Variants in CDK12 observed in about 807,000 individuals in gnomAD.
CDK12 encodes cyclin dependent kinase 12.
CDK12 carries 17 observed loss-of-function variants against 133.8 expected under a neutral mutation model. The ratio of observed to expected loss-of-function variants is 0.13; its 90% CI spans 0.09 to 0.19. The LOEUF is 0.19. Ranked by LOEUF, CDK12 falls within the 10% of genes least tolerant of loss-of-function variation. The pLI is 1.00. For missense variants in CDK12, 1,508 were observed against 1,818.7 expected (o/e 0.83, Z 3.11); for synonymous variants, 694 against 683.6 (o/e 1.02, Z -0.24).
At chr17:39,481,306 TAA>T (rs1567705028) in intron 2 of CDK12, among the ~76,000 whole-genome samples, 5 of 151,238 alleles carry the variant, frequency 3.3e-5, no homozygotes. Context: ...ATAGAATTTT[TAA>T]AGTCTTCTTT....
chr17:39,552,315 T>C (rs1162981043), intron 2 of CDK12, among the ~76,000 whole-genome samples: 2 of 152,248 alleles, frequency 1.3e-5, no homozygotes, highest in East Asian at 3.9e-4. Context: ...AAGATTCTCT[T>C]GTTGGGAGAG....
Position 39,471,671 on chromosome 17 carries a change from A to G in CDK12, c.1839A>G (p.Val613=), listed in dbSNP as rs1191944289. 5 of 1,614,102 alleles carry G rather than the reference A, an allele frequency of 3.1e-6. No homozygotes were observed. Among genetic ancestry groups the G allele is most frequent in the South Asian group, 2.2e-5 (2 of 91,076 alleles). ...PPVQVSVKTQ[V]SVTAAIPHLK... is the part of the protein sequence containing the mutation. ...TACAGGTTTCTGTGAAGACTCAAGT[A>G]TCTGTAACAGCTGCTATTCCACACC... Residue 613 remains valine, a synonymous_variant, in exon 2 of 14, where the codon GTA becomes GTG. Transcript: ENST00000447079.
At chr17:39,540,067 G>A (rs144458755) in intron 1 of CDK12, among the ~76,000 whole-genome samples, 2 of 152,304 alleles carry the variant, frequency 1.3e-5, no homozygotes, top group African/African-American at 4.8e-5. Context: ...CAAGGAAGCA[G>A]GAAAGTTCAC....
intron 6 of CDK12, among the ~76,000 whole-genome samples, chr17:39,507,443 G>T (rs909494194): frequency 1.3e-5 from 2 of 151,564 alleles, no homozygotes; most frequent in Admixed American, 6.6e-5. Flanking sequence ...AAAATTAGCC[G>T]GGCGTAGTGG....
At chr17:39,536,761 A>C (rs1311438702), downstream of CDK12, among the ~76,000 whole-genome samples, 1 of 152,192 alleles carries the variant, frequency 6.6e-6, no homozygotes, top group Non-Finnish European at 1.5e-5. Context: ...ATCTCAAAAA[A>C]TTAGTACTCC....
intron 8 of CDK12, among the ~76,000 whole-genome samples, chr17:39,515,173 C>G (rs1247652638): frequency 6.6e-6 from 1 of 152,116 alleles, no homozygotes; most frequent in East Asian, 1.9e-4. Flanking sequence ...GATAGCACCA[C>G]TGCACTCCAG....
At chr17:39,554,465 G>C (rs186378314) in intron 2 of CDK12, among the ~76,000 whole-genome samples, 135 of 152,220 alleles carry the variant, frequency 8.9e-4, no homozygotes, top group African/African-American at 3.0e-3. Flanking sequence ...TCTGATAGAG[G>C]GGATAATAGG....
Position 39,517,404 on chromosome 17 carries a change from C to T in CDK12, c.2847-36C>T, listed in dbSNP as rs545643484. ...CTCCGGAATTCATGATGTTGACTCA[C>T]TCACTCCATTGTTCTTGCTTTTGCT... is the stretch of plus-strand genomic sequence containing the variant. On this transcript the variant is annotated intron_variant, in intron 9 of 13. Coordinates refer to ENST00000447079, the MANE Select transcript of CDK12 (RefSeq NM_016507.4). The T allele has an allele frequency of 8.6e-6, 10 of 1,168,790 alleles. No homozygotes were observed. In the South Asian group the frequency reaches 1.0e-4, roughly 12 times the overall value. The allele number at this position is 1,168,790 out of a possible 1,614,324, so 72.4% of individuals were successfully genotyped here. A position where few individuals can be genotyped will look rare whatever the true frequency, so the allele number is the denominator to read the frequency against.
At chr17:39,503,860 T>C (rs1330626203) in intron 6 of CDK12, among the ~76,000 whole-genome samples, 4 of 151,542 alleles carry the variant, frequency 2.6e-5, no homozygotes, top group Admixed American at 1.3e-4. Flanking sequence ...AAGAGCAGAG[T>C]TGGATTCCAA....
At chr17:39,489,506 ATTT>A (rs113848178) in intron 2 of CDK12, among the ~76,000 whole-genome samples, 2 of 132,996 alleles carry the variant, frequency 1.5e-5, no homozygotes, top group Non-Finnish European at 1.6e-5. Context: ...GCCTGTTCTA[ATTT>A]TTTTTTTTTT....
At chr17:39,519,431 A>C (rs1172542440) in intron 10 of CDK12, among the ~76,000 whole-genome samples, 3 of 146,810 alleles carry the variant, frequency 2.0e-5, no homozygotes, top group Admixed American at 7.0e-5. Flanking sequence ...CCCTCCAAGG[A>C]GCTAGAATTA....
intron 2 of CDK12, among the ~76,000 whole-genome samples, chr17:39,477,686 C>T (rs1470463053): frequency 6.6e-5 from 10 of 151,580 alleles, no homozygotes; most frequent in African/African-American, 2.4e-4. Context: ...TATTCTTCTG[C>T]CTCAGCCTCC....
Position 39,463,037 on chromosome 17 carries a change from A to G in CDK12, c.966A>G (p.Arg322=), listed in dbSNP as rs138760396. 1.8e-4 allele frequency: 286 copies of G among 1,614,132 alleles called. 2 individuals carry two copies. In the African/African-American group the frequency reaches 3.3e-3, roughly 19 times the overall value. The change falls in exon 1 of 14, where the codon CGA becomes CGG. Residue 322 remains arginine (R), a synonymous_variant. Transcript: ENST00000447079. Reference sequence around the variant, plus strand: ...AAAGAAGTGGCTCTTACAGCGGGCGATCGCCCAGTCCCTATGGTCGAAGGC... The same window carrying G: ...AAAGAAGTGGCTCTTACAGCGGGCGGTCGCCCAGTCCCTATGGTCGAAGGC... ...SYERSGSYSG[R]SPSPYGRRRS...
In CDK12 at chr17:39,461,627, G is replaced by A. The variant is rs1051677411; in HGVS notation, c.-445G>A. On this transcript the variant is annotated 5_prime_UTR_variant, in exon 1 of 14. Coordinates refer to ENST00000447079, the MANE Select transcript of CDK12 (RefSeq NM_016507.4). Reference sequence around the variant, plus strand: ...AGGGGGCGTGAGGCACCTAGGCCGCGGCACCCCGGCGACAGGAAGCCGTCC... The same window carrying A: ...AGGGGGCGTGAGGCACCTAGGCCGCAGCACCCCGGCGACAGGAAGCCGTCC... 2 of 269,404 alleles carry A rather than the reference G, an allele frequency of 7.4e-6. No individual in the cohort carries two copies. The highest frequency in any genetic ancestry group is 1.4e-5 in the Non-Finnish European group (2 of 138,518). 16.7% of individuals were successfully genotyped at this position (269,404 alleles called of 1,614,324 possible).
chr17:39,525,781 T>G, intron 12 of CDK12, 83 bp from the exon 13 acceptor site: 1 of 976,976 alleles, frequency 1.0e-6, no homozygotes, highest in Middle Eastern at 2.2e-4. Context: ...TTGGATATTG[T>G]AAGTTGCTGT....
rs1173220746 is a variant in CDK12 at position 39,461,669 on chromosome 17, G to C, written c.-403G>C. On this transcript the variant is annotated 5_prime_UTR_variant, in exon 1 of 14. Coordinates refer to ENST00000447079, the MANE Select transcript of CDK12 (RefSeq NM_016507.4). Reference sequence around the variant, plus strand: ...AAGCCGTCCTGAACCGGGCTACCGGGTAGGGGAAGGGCCCGCGTAGTCCTC... The same window carrying C: ...AAGCCGTCCTGAACCGGGCTACCGGCTAGGGGAAGGGCCCGCGTAGTCCTC... 2 of 288,736 alleles carry C rather than the reference G, an allele frequency of 6.9e-6. No individual in the cohort carries two copies. The highest frequency in any genetic ancestry group is 1.3e-5 in the Non-Finnish European group (2 of 150,956). 17.9% of individuals were successfully genotyped at this position (288,736 alleles called of 1,614,324 possible).
chr17:39,481,625 GCTCGCGCGCTCTCTCTCTCTCTCTCTCT>G lies in CDK12; in HGVS notation c.1932-8928_1932-8901del, dbSNP rs1567705720. Among the ~76,000 whole-genome samples the G allele has an allele frequency of 5.0e-5, 5 of 100,612 alleles. 1 individual carries two copies. Among genetic ancestry groups the G allele is most frequent in the African/African-American group, 1.9e-4 (5 of 26,768 alleles). The allele number at this position is 100,612 out of a possible 152,430, so 66.0% of individuals were successfully genotyped here. On this transcript the variant is annotated intron_variant, in intron 2 of 13. Coordinates refer to ENST00000447079, the MANE Select transcript of CDK12 (RefSeq NM_016507.4). Reference sequence around the variant, plus strand: ...GCGCCCAGCACTTATGTGCTTGCTCGCTCGCGCGCTCTCTCTCTCTCTCTCTCTCTCTCTCTCTCTCTCTCTCTCTCTC... The same window carrying G: ...GCGCCCAGCACTTATGTGCTTGCTCGCTCTCTCTCTCTCTCTCTCTCTCTC...
intron 3 of CDK12, among the ~76,000 whole-genome samples, chr17:39,563,641 G>A (rs1388933940): frequency 1.3e-5 from 2 of 152,060 alleles, no homozygotes; most frequent in Non-Finnish European, 2.9e-5. Flanking sequence ...GAGCAGTAAG[G>A]TGTGACGCGA....
At chr17:39,472,954 T>A (rs2049910072) in intron 2 of CDK12, among the ~76,000 whole-genome samples, 1 of 151,926 alleles carries the variant, frequency 6.6e-6, no homozygotes, top group Non-Finnish European at 1.5e-5. Flanking sequence ...CAGGCACCTG[T>A]AGTCCCAGCT....
Sources: allele counts gnomAD v4.1 joint callset (sites outside exome capture counted in the v4.1 genomes callset), GRCh38; gene constraint gnomAD v4.1.1; transcripts MANE v1.5; gene names NCBI Gene and HGNC (gene_info 2026-07-23, HGNC 2026-07-21).